The following AP3S1 variants were observed in gnomAD, a reference collection of about 807,000 sequenced individuals.
The protein encoded by AP3S1 is adaptor related protein complex 3 subunit sigma 1, also known as AP-3 complex subunit sigma-1.
In AP3S1, 12 loss-of-function variants were observed where a neutral mutation model predicts 21.3. The observed-to-expected ratio is 0.56, with a 90% CI of 0.36 to 0.91. The LOEUF (loss-of-function observed/expected upper bound fraction) is 0.91, where lower values mean the gene tolerates loss of function less well. Ranked by LOEUF, AP3S1 falls within the 40% of genes least tolerant of loss-of-function variation. The pLI, the probability that AP3S1 is intolerant of heterozygous loss-of-function variation, is 0.01. For missense variants in AP3S1, 116 were observed against 225.0 expected, an observed-to-expected ratio of 0.52 and a Z score of 3.10; for synonymous variants, 48 against 78.4, an observed-to-expected ratio of 0.61 and a Z score of 2.05.
At chr5:115,901,392 C>CTTTTT (rs35793318) in intron 4 of AP3S1, among the ~76,000 whole-genome samples, 3 of 111,626 alleles carry the variant, frequency 2.7e-5, no homozygotes, top group Non-Finnish European at 3.8e-5. Context: ...TGCCTATATT[C>CTTTTT]TTTTTTTTTT....
intron 3 of AP3S1, among the ~76,000 whole-genome samples, chr5:115,875,325 G>A (rs2112854458): frequency 6.6e-6 from 1 of 152,254 alleles, no homozygotes; most frequent in South Asian, 2.1e-4. Context: ...GATCTTCCCA[G>A]CATCACCTGG....
chr5:115,885,997 T>G (rs1749747910), intron 3 of AP3S1, among the ~76,000 whole-genome samples: 1 of 152,224 alleles, frequency 6.6e-6, no homozygotes, highest in Non-Finnish European at 1.5e-5. Flanking sequence ...TTCTAAATGA[T>G]CACTTCTTAC....
intron 1 of AP3S1, among the ~76,000 whole-genome samples, chr5:115,850,034 T>A (rs1244821860): frequency 1.3e-5 from 2 of 152,214 alleles, no homozygotes; most frequent in Admixed American, 1.3e-4. Flanking sequence ...CATTTTTTTC[T>A]TAGCTTATTG....
intron 5 of AP3S1, among the ~76,000 whole-genome samples, chr5:115,910,410 G>C (rs1239035560): frequency 6.6e-6 from 1 of 151,880 alleles, no homozygotes; most frequent in East Asian, 1.9e-4. Flanking sequence ...GGGGACTACT[G>C]TACTGCTAAC....
At chr5:115,849,214 A>C (rs530208337) in intron 1 of AP3S1, among the ~76,000 whole-genome samples, 4 of 152,328 alleles carry the variant, frequency 2.6e-5, no homozygotes, top group Admixed American at 6.5e-5. Context: ...GCAGTAAATT[A>C]TTTAAGATTG....
intron 3 of AP3S1, among the ~76,000 whole-genome samples, chr5:115,887,464 T>TA (rs1385760021): frequency 1.3e-5 from 2 of 152,032 alleles, no homozygotes; most frequent in Non-Finnish European, 2.9e-5. Context: ...TTTTTTTTTT[T>TA]ACTTAGAAAC....
rs116491926 is a variant in AP3S1, at chr5:115,903,163, C to T, written c.453+171C>T. 2.5e-3 allele frequency: 1,189 copies of T among 478,858 alleles called. 12 individuals carry two copies. Among genetic ancestry groups the T allele is most frequent in the African/African-American group, 0.022 (1,098 of 49,324 alleles). 29.7% of individuals were successfully genotyped at this position (478,858 alleles called of 1,614,324 possible). A position where few individuals can be genotyped will look rare whatever the true frequency, so the allele number is the denominator to read the frequency against. On this transcript the variant is annotated intron_variant, in intron 5 of 5. Transcript: ENST00000316788. ...ACGTAGTATGCTAAAGGTTCTGTGA[C>T]TGTTCTCTACCCAACAGCTTTGTGT...
At chr5:115,880,204 C>T (rs1225074317) in intron 3 of AP3S1, among the ~76,000 whole-genome samples, 1 of 152,158 alleles carries the variant, frequency 6.6e-6, no homozygotes, top group Non-Finnish European at 1.5e-5. Flanking sequence ...CTGTCTCCTT[C>T]AGTTCTACTC....
chr5:115,904,475 TG>T (rs1751478748), intron 5 of AP3S1, among the ~76,000 whole-genome samples: 1 of 152,224 alleles, frequency 6.6e-6, no homozygotes, highest in Non-Finnish European at 1.5e-5. Context: ...AAAATAGTCT[TG>T]CATTTTTCTT....
chr5:115,850,613 A>G (rs1762374638), intron 1 of AP3S1, among the ~76,000 whole-genome samples: 1 of 152,174 alleles, frequency 6.6e-6, no homozygotes, highest in South Asian at 2.1e-4. Context: ...GGAATCATAG[A>G]ATTTTTGTGT....
chr5:115,887,340 A>G (rs1388404867), intron 3 of AP3S1, among the ~76,000 whole-genome samples: 2 of 144,266 alleles, frequency 1.4e-5, no homozygotes, highest in Non-Finnish European at 3.0e-5. Context: ...GACTTTTCGT[A>G]TCTTATAACA....
intron 1 of AP3S1, among the ~76,000 whole-genome samples, chr5:115,843,015 G>C (rs531119993): frequency 1.3e-5 from 2 of 152,244 alleles, no homozygotes; most frequent in South Asian, 4.1e-4. Context: ...TGTTTAGTAT[G>C]GACAAGTGCA....
chr5:115,884,692 T>C (rs1749624090), intron 3 of AP3S1, among the ~76,000 whole-genome samples: 1 of 152,250 alleles, frequency 6.6e-6, no homozygotes, highest in Non-Finnish European at 1.5e-5. Context: ...CTTAAGTATT[T>C]AAATATCAAC....
chr5:115,844,328 T>C (rs1761898461), intron 1 of AP3S1, among the ~76,000 whole-genome samples: 1 of 152,138 alleles, frequency 6.6e-6, no homozygotes, highest in Admixed American at 6.5e-5. Context: ...TAGGCTGTAT[T>C]ATAGCATGCC....
intron 1 of AP3S1, among the ~76,000 whole-genome samples, chr5:115,846,804 G>A (rs927726150): frequency 2.6e-5 from 4 of 151,990 alleles, no homozygotes; most frequent in Admixed American, 1.3e-4. Flanking sequence ...TCAGCTTTTT[G>A]TTAAGAAGAA....
In AP3S1 at chr5:115,893,808, A is replaced by T. The variant is rs1248407958; in HGVS notation, c.274-1279A>T. ...TGTTGTTCCAGGCTGTTATTACATTATAATAATGTTGCATACTATTATATA... is the reference window on the plus strand; with the variant it reads ...TGTTGTTCCAGGCTGTTATTACATTTTAATAATGTTGCATACTATTATATA... On this transcript the variant is annotated intron_variant, in intron 3 of 5. Coordinates refer to ENST00000316788, the MANE Select transcript of AP3S1 (RefSeq NM_001284.4). Among the ~76,000 whole-genome samples, 3 of 152,208 alleles carry T rather than the reference A, an allele frequency of 2.0e-5. No individual in the cohort carries two copies. In the East Asian group the frequency reaches 5.8e-4, roughly 29 times the overall value.
At chr5:115,847,632 A>G (rs1045720880) in intron 1 of AP3S1, among the ~76,000 whole-genome samples, 1 of 152,258 alleles carries the variant, frequency 6.6e-6, no homozygotes, top group South Asian at 2.1e-4. Context: ...AATTTAAAAA[A>G]ATATATGTTT....
Position 115,895,503 on chromosome 5 carries a change from A to G in AP3S1, c.345+345A>G, listed in dbSNP as rs141277882. Among the ~76,000 whole-genome samples, 34 of 151,974 alleles carry G rather than the reference A, an allele frequency of 2.2e-4. 1 individual carries two copies. In the East Asian group the frequency reaches 6.0e-3, roughly 27 times the overall value. ...TTTTTAAGGGATTAGTAGATATATC[A>G]TACATAGAAAAGGAGAGGATGGTCC... On this transcript the variant is annotated intron_variant, in intron 4 of 5. Coordinates refer to ENST00000316788, the MANE Select transcript of AP3S1 (RefSeq NM_001284.4).
intron 3 of AP3S1, among the ~76,000 whole-genome samples, chr5:115,892,453 T>G (rs1750391253): frequency 6.6e-6 from 1 of 152,222 alleles, no homozygotes; most frequent in Admixed American, 6.5e-5. Flanking sequence ...ATGTGGTACA[T>G]ATACACAATG....
Sources: gnomAD v4.1 joint callset for allele counts (sites outside exome capture counted in the v4.1 genomes callset) on GRCh38, gnomAD v4.1.1 for gene constraint, MANE v1.5 for transcripts, NCBI Gene and HGNC (gene_info 2026-07-23, HGNC 2026-07-21) for gene names.